RPSA2: variants seen among roughly 807,000 people sequenced by gnomAD.
RPSA2 encodes the protein ribosomal protein SA 2.
chr19:23,761,901 A>ATCCTTCCTTCCTCCCTTCCTTCCTTCC, the RPSA2 span, among the ~76,000 whole-genome samples: 11 of 34,014 alleles, frequency 3.2e-4, 1 homozygote, highest in Admixed American at 3.8e-3. Flanking sequence ...GGGTAACGTA[A>ATCCTTCCTTCCTCCCTTCCTTCCTTCC]TTCTTTCTTT....
the RPSA2 span, among the ~76,000 whole-genome samples, chr19:23,858,306 A>G: frequency 6.6e-6 from 1 of 151,894 alleles, no homozygotes; most frequent in African/African-American, 2.4e-5. Context: ...GTTTTAATGT[A>G]CATTGTTAGA....
the RPSA2 span, among the ~76,000 whole-genome samples, chr19:23,834,122 C>G: frequency 6.6e-6 from 1 of 151,946 alleles, no homozygotes; most frequent in Non-Finnish European, 1.5e-5. Context: ...TGTTTAGACA[C>G]TACTGTAAAT....
chr19:23,778,719 T>A, the RPSA2 span, among the ~76,000 whole-genome samples: 1 of 152,112 alleles, frequency 6.6e-6, no homozygotes, highest in Non-Finnish European at 1.5e-5. Flanking sequence ...TCTAGACCCA[T>A]CACCTGGATG....
chr19:23,805,457 C>T, the RPSA2 span, among the ~76,000 whole-genome samples: 3 of 152,126 alleles, frequency 2.0e-5, no homozygotes, highest in African/African-American at 2.4e-5. Context: ...GCCACCTTGC[C>T]CAGCTGCAGA....
chr19:23,779,416 C>CT, the RPSA2 span, among the ~76,000 whole-genome samples: 1 of 152,166 alleles, frequency 6.6e-6, no homozygotes, highest in South Asian at 2.1e-4. Context: ...AAGATACTGT[C>CT]TTCTCCTGCC....
At chr19:23,777,503 A>T in the RPSA2 span, among the ~76,000 whole-genome samples, 148,912 of 152,250 alleles carry the variant, frequency 0.98, 72,918 homozygotes, top group Middle Eastern at 1. Flanking sequence ...CAGGGCATGG[A>T]ATATTATGAG....
At chr19:23,790,243 CGCCTA>C in the RPSA2 span, among the ~76,000 whole-genome samples, 27 of 152,082 alleles carry the variant, frequency 1.8e-4, no homozygotes, top group Admixed American at 1.6e-3. Flanking sequence ...GTGATCCACC[CGCCTA>C]GGCTTCCCAA....
At chr19:23,830,023 C>G in the RPSA2 span, among the ~76,000 whole-genome samples, 1 of 143,408 alleles carries the variant, frequency 7.0e-6, no homozygotes. Context: ...TTCCAATATA[C>G]TTTTTTAGAA....
chr19:23,829,548 G>A, the RPSA2 span, among the ~76,000 whole-genome samples: 5 of 152,174 alleles, frequency 3.3e-5, no homozygotes, highest in African/African-American at 4.8e-5. Context: ...TGATCCACCC[G>A]CCTCGGCCTC....
At chr19:23,833,561 A>G in the RPSA2 span, among the ~76,000 whole-genome samples, 1 of 152,112 alleles carries the variant, frequency 6.6e-6, no homozygotes, top group Non-Finnish European at 1.5e-5. Context: ...CAGTGTGTAC[A>G]ATGTGGCCAA....
At chr19:23,798,697 A>G in the RPSA2 span, among the ~76,000 whole-genome samples, 1 of 152,182 alleles carries the variant, frequency 6.6e-6, no homozygotes, top group African/African-American at 2.4e-5. Flanking sequence ...TTACTACCAC[A>G]TTGTTACAGT....
the RPSA2 span, among the ~76,000 whole-genome samples, chr19:23,828,987 C>G: frequency 6.6e-6 from 1 of 151,726 alleles, no homozygotes; most frequent in Non-Finnish European, 1.5e-5. Context: ...CATAGATTCC[C>G]TGTGAATGAA....
chr19:23,851,756 C>T, the RPSA2 span, among the ~76,000 whole-genome samples: 1 of 152,152 alleles, frequency 6.6e-6, no homozygotes, highest in African/African-American at 2.4e-5. Flanking sequence ...GCTGTAACGG[C>T]CTCAGGAATG....
the RPSA2 span, among the ~76,000 whole-genome samples, chr19:23,812,829 G>A: frequency 4.6e-5 from 7 of 152,022 alleles, no homozygotes; most frequent in African/African-American, 1.7e-4. Flanking sequence ...GTGATTTGGA[G>A]GTAATTTTTA....
the RPSA2 span, chr19:23,827,060 T>G: frequency 1.4e-6 from 1 of 706,146 alleles, no homozygotes; most frequent in South Asian, 1.5e-5. Flanking sequence ...TTTTACCTAT[T>G]TGCTTACAGT....
At chr19:23,861,001 G>A in the RPSA2 span, among the ~76,000 whole-genome samples, 1 of 85,580 alleles carries the variant, frequency 1.2e-5, no homozygotes, top group Non-Finnish European at 2.3e-5. Flanking sequence ...TCCAGTACAT[G>A]TTGCTCCTCC....
At chr19:23,827,220 C>A in the RPSA2 span, 1 of 886,860 alleles carries the variant, frequency 1.1e-6, no homozygotes, top group South Asian at 1.4e-5. Context: ...AAGTTCCTTG[C>A]AGCAGGAACC....
the RPSA2 span, among the ~76,000 whole-genome samples, chr19:23,870,964 C>T: frequency 3.3e-5 from 5 of 152,140 alleles, no homozygotes; most frequent in African/African-American, 4.8e-5. Flanking sequence ...GTGCTGTGCT[C>T]CTTGAGATTA....
At chr19:23,781,516 T>C in the RPSA2 span, among the ~76,000 whole-genome samples, 1 of 151,362 alleles carries the variant, frequency 6.6e-6, no homozygotes, top group Non-Finnish European at 1.5e-5. Flanking sequence ...TTTTTGTATT[T>C]TTAGTAGAGA....
Sources: gnomAD v4.1 joint callset for allele counts (sites outside exome capture counted in the v4.1 genomes callset) on GRCh38, gnomAD v4.1.1 for gene constraint, MANE v1.5 for transcripts, NCBI Gene and HGNC (gene_info 2026-07-23, HGNC 2026-07-21) for gene names.